The following PRKN variants were observed in gnomAD, a reference collection of about 807,000 sequenced individuals.
PRKN encodes parkin RBR E3 ubiquitin protein ligase.
A neutral mutation model predicts 59.5 loss-of-function variants in PRKN; 56 were observed. The observed-to-expected ratio is 0.94, with a 90% confidence interval of 0.76 to 1.18. PRKN has a LOEUF of 1.18. Ranked by LOEUF, PRKN falls within the 50% of genes most tolerant of loss-of-function variation. The pLI is 0.00. For missense variants in PRKN, 657 were observed against 596.4 expected, an observed-to-expected ratio of 1.10 and a Z score of -1.06; for synonymous variants, 250 against 222.1, an observed-to-expected ratio of 1.13 and a Z score of -1.12.
At position 161,548,829 on chromosome 6, in the gene PRKN, C is replaced by T; in HGVS notation, c.1083+25G>A. 6.2e-7 allele frequency: 1 copy of T among 1,611,798 alleles called. No homozygotes were observed. Among genetic ancestry groups the T allele is most frequent in the Non-Finnish European group, 8.5e-7 (1 of 1,177,880 alleles). ...AGCAAACAAGGACAGGAACACACCG[C>T]TCCAGGGGTGTGGGCAGTACTCACC... On this transcript the variant is annotated intron_variant, in intron 9 of 11. Coordinates refer to ENST00000366898, the MANE Select transcript of PRKN (RefSeq NM_004562.3). This position sits in a 1 kb window ranked among gnomAD's most constrained non-coding sequence, Gnocchi z 4.2.
chr6:162,324,169 A>G (rs1783164146), intron 2 of PRKN, among the ~76,000 whole-genome samples: 1 of 152,138 alleles, frequency 6.6e-6, no homozygotes, highest in South Asian at 2.1e-4. Flanking sequence ...ATGTTTAATA[A>G]AACAGGCCAG....
chr6:162,286,282 G>T (rs778280334), intron 2 of PRKN, among the ~76,000 whole-genome samples: 19 of 151,406 alleles, frequency 1.3e-4, no homozygotes, highest in Non-Finnish European at 2.5e-4. Flanking sequence ...GTTTTTGGAT[G>T]TTCTTGTGTT....
intron 5 of PRKN, among the ~76,000 whole-genome samples, chr6:162,031,627 C>T (rs1235651539): frequency 6.6e-6 from 1 of 151,582 alleles, no homozygotes; most frequent in East Asian, 1.9e-4. Flanking sequence ...CCTCCACCTC[C>T]AAGGTTCAAG....
chr6:162,042,960 G>T (rs1344942598), intron 5 of PRKN, among the ~76,000 whole-genome samples: 2 of 152,230 alleles, frequency 1.3e-5, no homozygotes, highest in East Asian at 3.9e-4. Context: ...TGCTGAAAAA[G>T]ACATACCCAA....
chr6:161,541,561 C>T lies in PRKN; in HGVS notation c.1083+7293G>A, dbSNP rs183737647. ...ATTGGTCAGGTGCGGTGGCTCACGC[C>T]TATAATTCCAGCACTTTGGGAGGCT... is the stretch of plus-strand genomic sequence containing the variant. On this transcript the variant is annotated intron_variant, in intron 9 of 11. Coordinates refer to ENST00000366898, the MANE Select transcript of PRKN (RefSeq NM_004562.3). 2.6e-5 allele frequency among the ~76,000 whole-genome samples: 4 copies of T among 152,298 alleles called. No individual in the cohort carries two copies. The East Asian group carries it at 7.7e-4, about 29-fold the overall frequency.
chr6:162,412,801 T>C (rs544123554), intron 2 of PRKN, among the ~76,000 whole-genome samples: 2 of 152,224 alleles, frequency 1.3e-5, no homozygotes, highest in Non-Finnish European at 2.9e-5. Context: ...AATTATGTTT[T>C]GTATAAGAAA....
At chr6:162,348,677 T>C (rs1784503765) in intron 2 of PRKN, among the ~76,000 whole-genome samples, 1 of 152,188 alleles carries the variant, frequency 6.6e-6, no homozygotes, top group Admixed American at 6.5e-5. Context: ...TCTTATTATT[T>C]CTTTTTACAA....
chr6:161,977,471 T>C (rs369177861), intron 5 of PRKN, among the ~76,000 whole-genome samples: 7 of 151,924 alleles, frequency 4.6e-5, no homozygotes, highest in African/African-American at 1.7e-4. Context: ...GTCTTTATTA[T>C]ACTGCATAAT....
intron 7 of PRKN, among the ~76,000 whole-genome samples, chr6:161,676,488 T>C (rs1355526230): frequency 6.6e-6 from 1 of 152,198 alleles, no homozygotes; most frequent in South Asian, 2.1e-4. Flanking sequence ...TACTATTTCA[T>C]GATGACAGAA....
chr6:161,447,687 G>A lies in PRKN; in HGVS notation c.1084-60810C>T, dbSNP rs11970122. Among the ~76,000 whole-genome samples the A allele has an allele frequency of 0.019, 2,964 of 152,208 alleles. 108 individuals are homozygous for A. The highest frequency in any genetic ancestry group is 0.066 in the African/African-American group (2,748 of 41,516). ...TTTTTGTATTTTTAGTAGACACAGC[G>A]TTTCACCGTGTAAGCTAGGATGGTC... is the stretch of plus-strand genomic sequence containing the variant. On this transcript the variant is annotated intron_variant, in intron 9 of 11. Transcript: ENST00000366898. This position sits in a 1 kb window ranked among gnomAD's most constrained non-coding sequence, Gnocchi z 4.1.
chr6:161,471,349 G>A lies in PRKN; in HGVS notation c.1083+77505C>T, dbSNP rs1176617473. On this transcript the variant is annotated intron_variant, in intron 9 of 11. Coordinates refer to ENST00000366898, the MANE Select transcript of PRKN (RefSeq NM_004562.3). The surrounding 1 kb of genome is among the most constrained non-coding windows in gnomAD (Gnocchi z 4.5). ...TTACAGATATACACCTACGTAAGCA[G>A]CTTTATAATAAGAAAATATTTGTTT... Among the ~76,000 whole-genome samples the A allele has an allele frequency of 6.6e-6, 1 of 152,160 alleles. No homozygotes were observed.
rs577739514 is a variant in PRKN at position 161,355,698 on chromosome 6, G to A, written c.1285+4390C>T. 1.2e-4 allele frequency among the ~76,000 whole-genome samples: 19 copies of A among 152,074 alleles called. No homozygotes were observed. Among genetic ancestry groups the A allele is most frequent in the African/African-American group, 3.6e-4 (15 of 41,524 alleles). ...TGGGATTACAGGCGTGAGTCACCAC[G>A]CCCGGCCTACAAGCTAAGTTTTAAT... On this transcript the variant is annotated intron_variant, in intron 11 of 11. Coordinates refer to ENST00000366898, the MANE Select transcript of PRKN (RefSeq NM_004562.3). The surrounding 1 kb of genome is among the most constrained non-coding windows in gnomAD (Gnocchi z 6.8).
intron 1 of PRKN, among the ~76,000 whole-genome samples, chr6:162,498,901 C>T (rs193271091): frequency 2.6e-5 from 4 of 152,204 alleles, no homozygotes; most frequent in African/African-American, 9.6e-5. Flanking sequence ...TGAAAATGAT[C>T]ATTGTCTAGG....
rs1038074019 is a variant in PRKN at position 161,549,680 on chromosome 6, A to G, written c.934-677T>C. Among the ~76,000 whole-genome samples, 3 of 152,168 alleles carry G rather than the reference A, an allele frequency of 2.0e-5. No individual in the cohort carries two copies. The highest frequency in any genetic ancestry group is 4.8e-5 in the African/African-American group (2 of 41,434). On this transcript the variant is annotated intron_variant, in intron 8 of 11. Transcript: ENST00000366898. This position sits in a 1 kb window ranked among gnomAD's most constrained non-coding sequence, Gnocchi z 6.0. ...AGCCTGCAAATAAATTCCAAACTCC[A>G]TCAGACCATTTTCAAGGTCTTCTTT...
rs376103058 is a variant in PRKN at position 162,056,317 on chromosome 6, GCA to G, written c.535-2145_535-2144del. Among the ~76,000 whole-genome samples the G allele has an allele frequency of 6.7e-6, 1 of 148,236 alleles. No individual in the cohort carries two copies. Among genetic ancestry groups the G allele is most frequent in the Non-Finnish European group, 1.5e-5 (1 of 66,752 alleles). On this transcript the variant is annotated intron_variant, in intron 4 of 11. Coordinates refer to ENST00000366898, the MANE Select transcript of PRKN (RefSeq NM_004562.3). The surrounding 1 kb of genome is among the most constrained non-coding windows in gnomAD (Gnocchi z 4.9). ...ATGCATAAACACACCACGCACACACGCACACACACACAATACCACACAGCACA... is the reference window on the plus strand; with the variant it reads ...ATGCATAAACACACCACGCACACACGCACACACACAATACCACACAGCACA...
At chr6:162,262,381 A>T (rs946463896) in intron 3 of PRKN, 144 bp downstream of exon 3, 2 of 921,962 alleles carry the variant, frequency 2.2e-6, no homozygotes, top group Non-Finnish European at 3.6e-6. Context: ...CTCCACCTAC[A>T]GTGATGTCTC....
chr6:161,743,458 C>T (rs1230242057), intron 7 of PRKN, among the ~76,000 whole-genome samples: 1 of 151,412 alleles, frequency 6.6e-6, no homozygotes, highest in Non-Finnish European at 1.5e-5. Context: ...ACCACGTTAG[C>T]CAGAATGGTC....
At chr6:162,039,977 T>G (rs1052690508) in intron 5 of PRKN, among the ~76,000 whole-genome samples, 3 of 152,252 alleles carry the variant, frequency 2.0e-5, no homozygotes, top group Non-Finnish European at 4.4e-5. Flanking sequence ...CTGGTAAATT[T>G]AAACAGGATT....
At chr6:161,883,451 C>T (rs1333907400) in intron 6 of PRKN, among the ~76,000 whole-genome samples, 1 of 148,714 alleles carries the variant, frequency 6.7e-6, no homozygotes, top group African/African-American at 2.5e-5. Context: ...AGCGCCACTG[C>T]ACTCCAGCCT....
Sources: allele counts gnomAD v4.1 joint callset (sites outside exome capture counted in the v4.1 genomes callset), GRCh38; gene constraint gnomAD v4.1.1; non-coding constraint Gnocchi (gnomAD v3.1); transcripts MANE v1.5; gene names NCBI Gene and HGNC (gene_info 2026-07-23, HGNC 2026-07-21).